The following PUM2 variants were observed in gnomAD, a reference collection of about 807,000 sequenced individuals.
The protein encoded by PUM2 is pumilio homolog 2.
A neutral mutation model predicts 124.5 loss-of-function variants in PUM2; 57 were observed. That is an observed-to-expected ratio of 0.46 (90% confidence interval 0.37 to 0.57). The LOEUF (loss-of-function observed/expected upper bound fraction) is 0.57, where lower values mean the gene tolerates loss of function less well. PUM2 is among the 20% of genes least tolerant of loss of function. The pLI is 0.00. For synonymous variants in PUM2, 460 were observed against 446.1 expected, an observed-to-expected ratio of 1.03 and a Z score of -0.39; for missense variants, 1,065 against 1,290.6, an observed-to-expected ratio of 0.83 and a Z score of 2.68.
intron 3 of PUM2, among the ~76,000 whole-genome samples, chr2:20,317,034 G>A (rs1681118295): frequency 6.6e-6 from 1 of 151,294 alleles, no homozygotes; most frequent in African/African-American, 2.4e-5. Context: ...CTGTCTCAGG[G>A]GAAAAAAAAA....
intron 7 of PUM2, among the ~76,000 whole-genome samples, chr2:20,302,988 G>GAGAT (rs1432648822): frequency 6.6e-6 from 1 of 152,180 alleles, no homozygotes; most frequent in African/African-American, 2.4e-5. Context: ...GTGGCATGAA[G>GAGAT]AGATAGCTGT....
intron 7 of PUM2, among the ~76,000 whole-genome samples, chr2:20,303,549 T>C (rs1456854446): frequency 6.6e-6 from 1 of 152,144 alleles, no homozygotes; most frequent in Admixed American, 6.5e-5. Context: ...ATGCTGAGTT[T>C]TGCCCAGAAA....
chr2:20,344,982 CAAA>C (rs762460030), intron 1 of PUM2, among the ~76,000 whole-genome samples: 3 of 66,260 alleles, frequency 4.5e-5, no homozygotes, highest in African/African-American at 5.6e-5. Context: ...GACTCTGTCT[CAAA>C]AAAAAAAAAA....
At chr2:20,285,743 T>C (rs1011855872) in intron 10 of PUM2, among the ~76,000 whole-genome samples, 4 of 152,160 alleles carry the variant, frequency 2.6e-5, no homozygotes, top group African/African-American at 4.8e-5. Flanking sequence ...AAGGAGATCA[T>C]TTTCTGCTTC....
At position 20,252,119 on chromosome 2, in the gene PUM2, G is replaced by A. The variant is rs570881231; in HGVS notation, c.3064-403C>T. Among the ~76,000 whole-genome samples, 8 of 152,192 alleles carry A rather than the reference G, an allele frequency of 5.3e-5. No individual in the cohort carries two copies. In the East Asian group the frequency reaches 5.8e-4, roughly 11 times the overall value. Reference sequence around the variant, plus strand: ...ATATGATACCAGTTAAATAACTAACGCAGCTGTTAAAAATAAGATTGCAAT... The same window carrying A: ...ATATGATACCAGTTAAATAACTAACACAGCTGTTAAAAATAAGATTGCAAT... On this transcript the variant is annotated intron_variant, in intron 20 of 20. Transcript: ENST00000361078.
At chr2:20,268,537 G>C (rs1037181207) in intron 13 of PUM2, among the ~76,000 whole-genome samples, 2 of 152,138 alleles carry the variant, frequency 1.3e-5, no homozygotes, top group Admixed American at 6.5e-5. Flanking sequence ...AGAATTGCTT[G>C]AACCCAGGAG....
In PUM2 at chr2:20,256,188, T is replaced by C; in HGVS notation, c.2485-18A>G. The C allele has an allele frequency of 6.4e-7, 1 of 1,566,540 alleles. No individual in the cohort carries two copies. The highest frequency in any genetic ancestry group is 2.1e-5 in the Admixed American group (1 of 48,116). ...ATTTCACTCTGCAAAAGACAGGATG[T>C]CATTTAAATTATTACCTCAAACGAG... On this transcript the variant is annotated intron_variant, in intron 16 of 20. Coordinates refer to ENST00000361078, the MANE Select transcript of PUM2 (RefSeq NM_015317.5).
At chr2:20,272,329 A>C (rs890977710) in intron 13 of PUM2, among the ~76,000 whole-genome samples, 1 of 152,214 alleles carries the variant, frequency 6.6e-6, no homozygotes, top group African/African-American at 2.4e-5. Context: ...CTTTGAGAAT[A>C]AAGCGTGTTT....
intron 2 of PUM2, among the ~76,000 whole-genome samples, chr2:20,320,198 G>C (rs1177028098): frequency 6.6e-6 from 1 of 152,146 alleles, no homozygotes; most frequent in East Asian, 1.9e-4. Context: ...CCAGGAGGTG[G>C]AGGTTGCGCC....
chr2:20,274,599 A>G (rs545016037), intron 13 of PUM2, among the ~76,000 whole-genome samples: 1 of 152,234 alleles, frequency 6.6e-6, no homozygotes, highest in Admixed American at 6.5e-5. Context: ...TTCAGACTTC[A>G]TAGTCCCCTT....
intron 18 of PUM2, 102 bp downstream of exon 18, chr2:20,255,110 TCTCA>T (rs1444762822): frequency 6.8e-7 from 1 of 1,465,886 alleles, no homozygotes; most frequent in East Asian, 2.4e-5. Context: ...CAGCCTTTTG[TCTCA>T]CTCTTGTCTA....
At position 20,293,939 on chromosome 2, in the gene PUM2, C is replaced by A. The variant is rs996440878; in HGVS notation, c.1152+437G>T. 6.6e-5 allele frequency among the ~76,000 whole-genome samples: 10 copies of A among 152,008 alleles called. No individual in the cohort carries two copies. The East Asian group carries it at 9.6e-4, about 15-fold the overall frequency. ...TTCTTTTTCCAGAAATTAAAGCTAA[C>A]CTTTAGTGAAAATATTTTATCATTT... On this transcript the variant is annotated intron_variant, in intron 9 of 20. Coordinates refer to ENST00000361078, the MANE Select transcript of PUM2 (RefSeq NM_015317.5).
In PUM2 at chr2:20,313,277, A is replaced by G. The variant is rs564116068; in HGVS notation, c.161-854T>C. Reference sequence around the variant, plus strand: ...TATCATCAGAGTGAACAGGCAACCTACAGAATTTGGGAGAAAACTTTTGGT... The same window carrying G: ...TATCATCAGAGTGAACAGGCAACCTGCAGAATTTGGGAGAAAACTTTTGGT... On this transcript the variant is annotated intron_variant, in intron 3 of 20. Transcript: ENST00000361078. Among the ~76,000 whole-genome samples the G allele has an allele frequency of 1.1e-4, 16 of 152,374 alleles. 1 individual carries two copies. Among genetic ancestry groups the G allele is most frequent in the African/African-American group, 3.8e-4 (16 of 41,582 alleles).
At chr2:20,291,974 T>C (rs966210717) in intron 9 of PUM2, among the ~76,000 whole-genome samples, 4 of 151,548 alleles carry the variant, frequency 2.6e-5, no homozygotes, top group African/African-American at 4.9e-5. Flanking sequence ...CTTTCTCCAG[T>C]GGCATCCAAA....
chr2:20,290,637 T>C lies in PUM2; in HGVS notation c.1291+15A>G. On this transcript the variant is annotated intron_variant, in intron 10 of 20. Coordinates refer to ENST00000361078, the MANE Select transcript of PUM2 (RefSeq NM_015317.5). ...TGAAATCTATTCAAATTTCCACAAA[T>C]GACCAATTGTATACCTGGCATGCCA... 1 of 1,592,924 alleles carries C rather than the reference T, an allele frequency of 6.3e-7. No homozygotes were observed. The highest frequency in any genetic ancestry group is 8.5e-7 in the Non-Finnish European group (1 of 1,172,250).
intron 3 of PUM2, among the ~76,000 whole-genome samples, chr2:20,316,234 C>G (rs1680903164): frequency 6.6e-6 from 1 of 152,144 alleles, no homozygotes; most frequent in African/African-American, 2.4e-5. Flanking sequence ...ACATTTGCAA[C>G]CTACTTTGTT....
intron 20 of PUM2, among the ~76,000 whole-genome samples, chr2:20,252,230 G>C (rs1558463785): frequency 6.6e-6 from 1 of 152,092 alleles, no homozygotes; most frequent in Non-Finnish European, 1.5e-5. Context: ...ACCAGACTGG[G>C]CAACATAGCG....
intron 9 of PUM2, 24 bp downstream of exon 9, chr2:20,294,352 T>C (rs1572763077): frequency 6.2e-7 from 1 of 1,604,030 alleles, no homozygotes; most frequent in Non-Finnish European, 8.5e-7. Flanking sequence ...ATACTTGGTA[T>C]TACTTAATAG....
intron 7 of PUM2, among the ~76,000 whole-genome samples, chr2:20,304,387 G>A (rs969001496): frequency 4.6e-5 from 7 of 152,154 alleles, no homozygotes; most frequent in Admixed American, 1.3e-4. Flanking sequence ...TTAAGCCTGC[G>A]TCTTACCTAT....
Sources: gnomAD v4.1 joint callset for allele counts (sites outside exome capture counted in the v4.1 genomes callset) on GRCh38, gnomAD v4.1.1 for gene constraint, MANE v1.5 for transcripts, NCBI Gene and HGNC (gene_info 2026-07-23, HGNC 2026-07-21) for gene names.